NARF: variants seen among roughly 807,000 people sequenced by gnomAD.
The protein encoded by NARF is nuclear prelamin A recognition factor.
NARF carries 41 observed loss-of-function variants against 48.0 expected under a neutral mutation model. That is an observed-to-expected ratio of 0.85 (90% CI 0.66 to 1.11). NARF has a LOEUF of 1.11. Ranked by LOEUF, NARF falls within the 50% of genes least tolerant of loss-of-function variation. The pLI, the probability that NARF is intolerant of heterozygous loss-of-function variation, is 0.00. For synonymous variants in NARF, 215 were observed against 225.5 expected (o/e 0.95, Z 0.42); for missense variants, 613 against 590.2 (o/e 1.04, Z -0.40).
chr17:82,481,711 CAA>C (rs1418479194), intron 7 of NARF: 2 of 384,692 alleles, frequency 5.2e-6, no homozygotes, highest in African/African-American at 2.4e-5. Flanking sequence ...GCCTGGGCAA[CAA>C]GAGTAAAACT....
In NARF at chr17:82,478,919, G is replaced by C; in HGVS notation, c.639+1G>C. 2 of 1,612,956 alleles carry C rather than the reference G, an allele frequency of 1.2e-6. No homozygotes were observed. The highest frequency in any genetic ancestry group is 1.7e-6 in the Non-Finnish European group (2 of 1,179,348). On this transcript the variant is annotated splice_donor_variant, in intron 6 of 10. Coordinates refer to ENST00000309794, the MANE Select transcript of NARF (RefSeq NM_012336.4). LOFTEE classifies it high-confidence loss of function. ...GAAGGATTATTTCGCCAGACAGCAG[G>C]TAAGCTGACCTCTCTGGAGGGCAGG...
chr17:82,461,536 G>T (rs1346842614), intron 2 of NARF, among the ~76,000 whole-genome samples: 1 of 152,142 alleles, frequency 6.6e-6, no homozygotes, highest in African/African-American at 2.4e-5. Context: ...GCTTGAACCC[G>T]GGAGGCGGAG....
chr17:82,487,854 A>T, intron 10 of NARF, 62 bp from the exon 11 acceptor site: 2 of 1,584,686 alleles, frequency 1.3e-6, no homozygotes, highest in Non-Finnish European at 1.7e-6. Flanking sequence ...CTAGCTGCTC[A>T]GGAAGCTAAG....
Position 82,488,051 on chromosome 17 carries a change from A to G in NARF, c.1265A>G (p.Tyr422Cys), listed in dbSNP as rs770972325. Residue 422 changes from tyrosine to cysteine, a missense_variant, in exon 11 of 11, where the codon TAC becomes TGC. Coordinates refer to ENST00000309794, the MANE Select transcript of NARF (RefSeq NM_012336.4). ...PESSAHVQEL[Y>C]QEWLEGINSP... ...TCCAGTGCACACGTGCAGGAGCTGT[A>G]CCAGGAGTGGCTGGAGGGGATCAAC... 23 of 1,614,024 alleles carry G rather than the reference A, an allele frequency of 1.4e-5. No individual in the cohort carries two copies. The highest frequency in any genetic ancestry group is 1.9e-5 in the Non-Finnish European group (22 of 1,180,038).
In NARF at chr17:82,489,867, A is replaced by G. The variant is rs1181535908; in HGVS notation, c.*1710A>G. ...TTTTGAGACAGAGTCTCACTTTGTC[A>G]CCCAGGCTGGAGTTCAGTGGCGTGA... On this transcript the variant is annotated 3_prime_UTR_variant, in exon 11 of 11. Transcript: ENST00000309794. The G allele has an allele frequency of 2.0e-5, 3 of 150,436 alleles. No individual in the cohort carries two copies. Among genetic ancestry groups the G allele is most frequent in the African/African-American group, 4.9e-5 (2 of 40,736 alleles). The allele number at this position is 150,436 out of a possible 1,614,324, so 9.3% of individuals were successfully genotyped here. A position where few individuals can be genotyped will look rare whatever the true frequency, so the allele number is the denominator to read the frequency against.
intron 10 of NARF, among the ~76,000 whole-genome samples, chr17:82,486,460 T>A (rs966732237): frequency 6.6e-6 from 1 of 151,836 alleles, no homozygotes; most frequent in African/African-American, 2.4e-5. Context: ...GAGGGGCCCT[T>A]GGGCAGGGCA....
At chr17:82,473,541 C>T (rs1186158395) in intron 5 of NARF, among the ~76,000 whole-genome samples, 1 of 150,262 alleles carries the variant, frequency 6.7e-6, no homozygotes, top group Non-Finnish European at 1.5e-5. Flanking sequence ...TTAGTAGAGA[C>T]GGGGTTTCAC....
intron 5 of NARF, 41 bp from the exon 6 acceptor site, chr17:82,478,759 G>A: frequency 1.3e-6 from 2 of 1,573,332 alleles, no homozygotes; most frequent in Non-Finnish European, 1.7e-6. Context: ...AAGACCAGAG[G>A]AAGCAGTAAG....
At position 82,468,814 on chromosome 17, in the gene NARF, A is replaced by ATC; in HGVS notation, c.305_306dup (p.Pro104CysfsTer12). ...TGCTGGTAGTGTCTGTGTGTCCTCA[A>ATC]TCTTTGCCTTATTTTGCTGCTAAAT... On this transcript the variant is annotated frameshift_variant, in exon 4 of 11. Coordinates refer to ENST00000309794, the MANE Select transcript of NARF (RefSeq NM_012336.4). LOFTEE classifies it high-confidence loss of function. 6.2e-7 allele frequency: 1 copy of ATC among 1,614,034 alleles called. No individual in the cohort carries two copies. The highest frequency in any genetic ancestry group is 8.5e-7 in the Non-Finnish European group (1 of 1,179,932).
chr17:82,470,013 C>T (rs1477243845), intron 4 of NARF, among the ~76,000 whole-genome samples: 1 of 152,154 alleles, frequency 6.6e-6, no homozygotes, highest in Non-Finnish European at 1.5e-5. Context: ...CAGAAGATTA[C>T]TTGAGGCCAG....
At chr17:82,459,309 G>C (rs1002515106) in intron 1 of NARF, 4 of 447,734 alleles carry the variant, frequency 8.9e-6, no homozygotes, top group East Asian at 3.0e-4. Context: ...ACGCAGGGGG[G>C]TTTTGTAGCT....
chr17:82,472,487 A>C, intron 4 of NARF, 77 bp from the exon 5 acceptor site: 1 of 1,429,610 alleles, frequency 7.0e-7, no homozygotes, highest in Non-Finnish European at 9.3e-7. Flanking sequence ...CCGTCTCAAA[A>C]AAAAAAAAAA....
intron 4 of NARF, among the ~76,000 whole-genome samples, chr17:82,472,131 G>A (rs933750772): frequency 6.6e-6 from 1 of 152,126 alleles, no homozygotes; most frequent in African/African-American, 2.4e-5. Flanking sequence ...AGGGATGCCT[G>A]TAGAATCTAT....
intron 3 of NARF, among the ~76,000 whole-genome samples, chr17:82,466,699 C>CCACCT: frequency 6.6e-6 from 1 of 151,484 alleles, no homozygotes; most frequent in East Asian, 1.9e-4. Context: ...GTGATGTGCT[C>CCACCT]GCCTCGGCCT....
In NARF at chr17:82,464,188, A is replaced by G. The variant is rs187662796; in HGVS notation, c.109-99A>G. 208 of 1,469,384 alleles carry G rather than the reference A, an allele frequency of 1.4e-4. No homozygotes were observed. The East Asian group carries it at 1.7e-3, about 12-fold the overall frequency. 91.0% of individuals were successfully genotyped at this position (1,469,384 alleles called of 1,614,324 possible). A position where few individuals can be genotyped will look rare whatever the true frequency, so the allele number is the denominator to read the frequency against. On this transcript the variant is annotated intron_variant, in intron 2 of 10. Coordinates refer to ENST00000309794, the MANE Select transcript of NARF (RefSeq NM_012336.4). ...GGCCTGGACCCTGGTATTATCTCCA[A>G]TGTTTACTGTGAATTCTGTATATGG... is the stretch of plus-strand genomic sequence containing the variant.
chr17:82,458,583 C>G, upstream of NARF: 1 of 527,200 alleles, frequency 1.9e-6, no homozygotes. Flanking sequence ...CTTCCCGACA[C>G]TGTCATTGGC....
intron 6 of NARF, 133 bp from the exon 7 acceptor site, chr17:82,480,949 A>G: frequency 1.1e-6 from 1 of 928,932 alleles, no homozygotes; most frequent in Non-Finnish European, 1.5e-6. Context: ...AAAAAAAAAA[A>G]GAGTGCAGCA....
chr17:82,481,001 C>T, intron 6 of NARF, 81 bp from the exon 7 acceptor site: 1 of 1,581,308 alleles, frequency 6.3e-7, no homozygotes, highest in Non-Finnish European at 8.6e-7. Context: ...TTCGGTCTCC[C>T]ATCCCTCTTG....
At chr17:82,477,286 C>T (rs1245169469) in intron 5 of NARF, 2 of 151,878 alleles carry the variant, frequency 1.3e-5, no homozygotes, top group African/African-American at 4.8e-5. Context: ...GGAGGATCTC[C>T]TGAGGTCAAG....
Sources: gnomAD v4.1 joint callset for allele counts (sites outside exome capture counted in the v4.1 genomes callset) on GRCh38, gnomAD v4.1.1 for gene constraint, MANE v1.5 for transcripts, NCBI Gene and HGNC (gene_info 2026-07-23, HGNC 2026-07-21) for gene names.